MKLN1: variants seen among roughly 807,000 people sequenced by gnomAD.
MKLN1 encodes muskelin.
Under a neutral mutation model 99.0 loss-of-function variants are expected in MKLN1, and 18 were observed. The ratio of observed to expected loss-of-function variants is 0.18; its 90% CI spans 0.13 to 0.27. MKLN1 has a LOEUF of 0.27. MKLN1 is among the 10% of genes least tolerant of loss of function. The pLI, the probability that MKLN1 is intolerant of heterozygous loss-of-function variation, is 1.00. For synonymous variants in MKLN1, 288 were observed against 293.2 expected (o/e 0.98, Z 0.18); for missense variants, 621 against 875.9 (o/e 0.71, Z 3.67).
chr7:131,187,770 C>T (rs893941448), intron 2 of MKLN1, among the ~76,000 whole-genome samples: 8 of 151,958 alleles, frequency 5.3e-5, no homozygotes, highest in Admixed American at 1.3e-4. Flanking sequence ...ACTGACATGG[C>T]GAAACCCCGT....
At chr7:131,147,304 C>T (rs946822608) in intron 2 of MKLN1, among the ~76,000 whole-genome samples, 3 of 151,676 alleles carry the variant, frequency 2.0e-5, no homozygotes, top group Non-Finnish European at 4.4e-5. Context: ...GTGATCCACC[C>T]GCCTCGACCT....
At chr7:131,349,720 T>C (rs953147514) in intron 1 of MKLN1, among the ~76,000 whole-genome samples, 1 of 152,232 alleles carries the variant, frequency 6.6e-6, no homozygotes, top group Admixed American at 6.5e-5. Flanking sequence ...TTGAGGACTA[T>C]TTTTATATGA....
intron 1 of MKLN1, among the ~76,000 whole-genome samples, chr7:131,114,227 A>G (rs1293816380): frequency 2.6e-5 from 4 of 152,150 alleles, no homozygotes; most frequent in Non-Finnish European, 5.9e-5. Flanking sequence ...TGCTCCCATT[A>G]TATCCTGCAG....
At chr7:131,333,866 C>G (rs906660739) in intron 1 of MKLN1, among the ~76,000 whole-genome samples, 1 of 152,130 alleles carries the variant, frequency 6.6e-6, no homozygotes, top group Admixed American at 6.5e-5. Context: ...TGATAAATTC[C>G]TAGATGTTGA....
intron 2 of MKLN1, among the ~76,000 whole-genome samples, chr7:131,174,004 C>T (rs1378590167): frequency 5.9e-5 from 8 of 135,448 alleles, no homozygotes; most frequent in African/African-American, 2.0e-4. Flanking sequence ...ACGGGAGTCT[C>T]GGTCTGTCAC....
chr7:131,327,695 C>G, upstream of MKLN1: 1 of 867,158 alleles, frequency 1.2e-6, no homozygotes, highest in Non-Finnish European at 1.7e-6. Flanking sequence ...CACCTCAGAC[C>G]CAGTGTCGGT....
intron 3 of MKLN1, among the ~76,000 whole-genome samples, chr7:131,271,004 T>C (rs1159513706): frequency 6.6e-6 from 1 of 152,274 alleles, no homozygotes; most frequent in Non-Finnish European, 1.5e-5. Context: ...TTCAATATCA[T>C]TGTAAAACTA....
intron 3 of MKLN1, among the ~76,000 whole-genome samples, chr7:131,296,389 G>T (rs995320980): frequency 6.6e-6 from 1 of 152,132 alleles, no homozygotes; most frequent in Non-Finnish European, 1.5e-5. Context: ...TATTTGCTCT[G>T]TGTAAAAATG....
chr7:131,182,231 T>C (rs1257196044), intron 2 of MKLN1, among the ~76,000 whole-genome samples: 2 of 152,228 alleles, frequency 1.3e-5, no homozygotes, highest in Non-Finnish European at 2.9e-5. Context: ...CAAACCTGGA[T>C]ACCAGTCCTG....
chr7:131,153,104 CTCT>C (rs1795913581), intron 2 of MKLN1, among the ~76,000 whole-genome samples: 1 of 146,556 alleles, frequency 6.8e-6, no homozygotes, highest in Admixed American at 7.0e-5. Flanking sequence ...ACATAAAAAT[CTCT>C]TCTTTTGTGA....
intron 3 of MKLN1, among the ~76,000 whole-genome samples, chr7:131,313,696 C>A (rs1215366493): frequency 6.6e-6 from 1 of 152,196 alleles, no homozygotes; most frequent in African/African-American, 2.4e-5. Flanking sequence ...AGGAATCTAT[C>A]ATTGGATTTT....
chr7:131,496,031 CAA>C lies in MKLN1; in HGVS notation c.*8304_*8305del, dbSNP rs1249722980. On this transcript the variant is annotated 3_prime_UTR_variant, in exon 18 of 18. Coordinates refer to ENST00000352689, the MANE Select transcript of MKLN1 (RefSeq NM_013255.5). ...AACATGAAGCAAGGAGTCCATAAAA[CAA>C]GAGTTCTTTACCACGTTTAAGCAAA... The C allele has an allele frequency of 6.6e-6, 1 of 151,206 alleles. No homozygotes were observed. The highest frequency in any genetic ancestry group is 1.5e-5 in the Non-Finnish European group (1 of 68,010). 9.4% of individuals were successfully genotyped at this position (151,206 alleles called of 1,614,324 possible).
chr7:131,277,936 A>G (rs1797997818), intron 3 of MKLN1, among the ~76,000 whole-genome samples: 1 of 152,210 alleles, frequency 6.6e-6, no homozygotes, highest in South Asian at 2.1e-4. Flanking sequence ...TTAATGGATT[A>G]TGATCAATAG....
intron 3 of MKLN1, among the ~76,000 whole-genome samples, chr7:131,269,885 T>C (rs1797858983): frequency 6.6e-6 from 1 of 152,170 alleles, no homozygotes; most frequent in Non-Finnish European, 1.5e-5. Flanking sequence ...TTTCTAGTTA[T>C]GGAGGTAACT....
intron 1 of MKLN1, among the ~76,000 whole-genome samples, chr7:131,122,367 G>A (rs973327520): frequency 2.6e-5 from 4 of 152,186 alleles, no homozygotes; most frequent in African/African-American, 9.7e-5. Flanking sequence ...ACACATTGAT[G>A]GGGCTCCCAC....
At chr7:131,447,611 A>G (rs1796052630) in intron 12 of MKLN1, among the ~76,000 whole-genome samples, 1 of 152,218 alleles carries the variant, frequency 6.6e-6, no homozygotes, top group Non-Finnish European at 1.5e-5. Context: ...TGAAAAAGGT[A>G]GTGAAGATAG....
chr7:131,448,969 C>A (rs1206467809), intron 12 of MKLN1, among the ~76,000 whole-genome samples: 1 of 152,182 alleles, frequency 6.6e-6, no homozygotes, highest in Admixed American at 6.6e-5. Context: ...AGGATAAGAT[C>A]CTTTCCCTTA....
chr7:131,414,584 T>G, intron 7 of MKLN1, 61 bp from the exon 8 acceptor site: 3 of 1,186,662 alleles, frequency 2.5e-6, no homozygotes, highest in Non-Finnish European at 3.6e-6. Flanking sequence ...TATGAATAAA[T>G]TTACTCTGGA....
chr7:131,482,685 A>G (rs1227202692), intron 17 of MKLN1, among the ~76,000 whole-genome samples: 1 of 152,192 alleles, frequency 6.6e-6, no homozygotes, highest in Non-Finnish European at 1.5e-5. Context: ...GCAATGTAGC[A>G]AGACTCCATC....
Sources: allele counts gnomAD v4.1 joint callset (sites outside exome capture counted in the v4.1 genomes callset), GRCh38; gene constraint gnomAD v4.1.1; transcripts MANE v1.5; gene names NCBI Gene and HGNC (gene_info 2026-07-23, HGNC 2026-07-21).